CSRNP3: variants seen among roughly 807,000 people sequenced by gnomAD.
The protein encoded by CSRNP3 is cysteine/serine-rich nuclear protein 3.
Under a neutral mutation model 48.0 loss-of-function variants are expected in CSRNP3, and 12 were observed. The observed-to-expected ratio is 0.25, with a 90% CI of 0.16 to 0.41. CSRNP3 has a LOEUF of 0.41. Among genes scored for constraint, CSRNP3 ranks in the 10% least tolerant of loss-of-function variants. The pLI, the probability that CSRNP3 is intolerant of heterozygous loss-of-function variation, is 1.00. For synonymous variants in CSRNP3, 263 were observed against 269.7 expected, an observed-to-expected ratio of 0.98 and a Z score of 0.24; for missense variants, 580 against 724.4, an observed-to-expected ratio of 0.80 and a Z score of 2.29.
chr2:165,525,690 C>T (rs542142274), intron 3 of CSRNP3, among the ~76,000 whole-genome samples: 1 of 151,574 alleles, frequency 6.6e-6, no homozygotes, highest in South Asian at 2.1e-4. Flanking sequence ...TTCATCATCT[C>T]GGCAAGGCTG....
At chr2:165,623,148 A>G (rs1255934361) in intron 4 of CSRNP3, among the ~76,000 whole-genome samples, 1 of 152,196 alleles carries the variant, frequency 6.6e-6, no homozygotes, top group Non-Finnish European at 1.5e-5. Flanking sequence ...TGGTATTTAT[A>G]TTGTATTAGG....
chr2:165,535,316 CTT>C (rs796304994), intron 3 of CSRNP3, among the ~76,000 whole-genome samples: 1 of 140,916 alleles, frequency 7.1e-6, no homozygotes, highest in Admixed American at 7.1e-5. Flanking sequence ...TTAGCTTGTT[CTT>C]TTTTTTTTTT....
Position 165,680,655 on chromosome 2 carries a change from T to G in CSRNP3, c.*902T>G, listed in dbSNP as rs1286779986. 4 of 152,224 alleles carry G rather than the reference T, an allele frequency of 2.6e-5. No individual in the cohort carries two copies. In the Admixed American group the frequency reaches 2.6e-4, roughly 10 times the overall value. The allele number at this position is 152,224 out of a possible 1,614,324, so 9.4% of individuals were successfully genotyped here. A position where few individuals can be genotyped will look rare whatever the true frequency, so the allele number is the denominator to read the frequency against. The stretch of plus-strand genomic sequence containing the variant: ...TAGTGCCCCTTCACGGTACCTCGTG[T>G]GGGGTGGGGACTGAGAACTCTTTGA... On this transcript the variant is annotated 3_prime_UTR_variant, in exon 7 of 7. Transcript: ENST00000651982.
intron 3 of CSRNP3, among the ~76,000 whole-genome samples, chr2:165,554,417 A>G (rs1429909506): frequency 2.6e-5 from 4 of 152,162 alleles, no homozygotes; most frequent in African/African-American, 7.2e-5. Flanking sequence ...AGAACTACCT[A>G]TTTGACATCT....
At chr2:165,622,667 C>T (rs1249234012) in intron 4 of CSRNP3, among the ~76,000 whole-genome samples, 1 of 152,068 alleles carries the variant, frequency 6.6e-6, no homozygotes. Flanking sequence ...CCCATTTCTC[C>T]AGTGGGAAGG....
At chr2:165,588,414 C>T (rs1185195766) in intron 3 of CSRNP3, among the ~76,000 whole-genome samples, 2 of 152,196 alleles carry the variant, frequency 1.3e-5, no homozygotes, top group Non-Finnish European at 2.9e-5. Context: ...ATTTATCATT[C>T]TGCCTGCAAC....
At chr2:165,660,887 A>G (rs1001016777) in intron 5 of CSRNP3, among the ~76,000 whole-genome samples, 15 of 152,272 alleles carry the variant, frequency 9.9e-5, no homozygotes, top group Admixed American at 2.0e-4. Flanking sequence ...ATAAATACCA[A>G]CCTAAAAGAT....
intron 2 of CSRNP3, among the ~76,000 whole-genome samples, chr2:165,497,990 G>T (rs1684305411): frequency 6.6e-6 from 1 of 152,104 alleles, no homozygotes; most frequent in South Asian, 2.1e-4. Flanking sequence ...CTTTAGGGCA[G>T]TGCTAGTGAT....
intron 2 of CSRNP3, among the ~76,000 whole-genome samples, chr2:165,498,242 T>C (rs150705233): frequency 6.6e-6 from 1 of 152,240 alleles, no homozygotes; most frequent in African/African-American, 2.4e-5. Context: ...GTGAAAATGT[T>C]ACAATGAAAA....
At chr2:165,622,416 A>C (rs542845527) in intron 4 of CSRNP3, among the ~76,000 whole-genome samples, 27 of 152,214 alleles carry the variant, frequency 1.8e-4, no homozygotes, top group Admixed American at 4.6e-4. Flanking sequence ...TAACTGCTGC[A>C]ACAAAATAAT....
At chr2:165,633,855 T>A (rs1262102045) in intron 4 of CSRNP3, among the ~76,000 whole-genome samples, 1 of 152,180 alleles carries the variant, frequency 6.6e-6, no homozygotes, top group East Asian at 1.9e-4. Context: ...CCTTACAACC[T>A]CTGGGTACTT....
chr2:165,597,155 T>C (rs186684245), intron 4 of CSRNP3, among the ~76,000 whole-genome samples: 6 of 152,314 alleles, frequency 3.9e-5, no homozygotes, highest in African/African-American at 1.2e-4. Context: ...AAAGGAAGAC[T>C]TAATTAGTGA....
rs1418728428 is a variant in CSRNP3 at position 165,686,212 on chromosome 2, T to C, written c.*6459T>C. The C allele has an allele frequency of 6.6e-6, 1 of 152,078 alleles. No homozygotes were observed. The highest frequency in any genetic ancestry group is 1.5e-5 in the Non-Finnish European group (1 of 67,976). 9.4% of individuals were successfully genotyped at this position (152,078 alleles called of 1,614,324 possible). ...TCTTTTAAATTTATCTAGGTACTTG[T>C]ATCACCAGAGACCTTCATCAAGTCC... On this transcript the variant is annotated 3_prime_UTR_variant, in exon 7 of 7. Coordinates refer to ENST00000651982, the MANE Select transcript of CSRNP3 (RefSeq NM_001172173.2).
At chr2:165,535,488 C>A (rs1684870372) in intron 3 of CSRNP3, among the ~76,000 whole-genome samples, 1 of 151,752 alleles carries the variant, frequency 6.6e-6, no homozygotes, top group South Asian at 2.1e-4. Context: ...ATGCCCTTTC[C>A]TTGTAGACCA....
At chr2:165,658,301 A>G (rs1687040916) in intron 5 of CSRNP3, among the ~76,000 whole-genome samples, 1 of 152,214 alleles carries the variant, frequency 6.6e-6, no homozygotes, top group Non-Finnish European at 1.5e-5. Flanking sequence ...GACCAAAAAT[A>G]GATGTGGTCC....
chr2:165,630,950 C>T (rs202150668), intron 4 of CSRNP3, among the ~76,000 whole-genome samples: 3 of 152,122 alleles, frequency 2.0e-5, no homozygotes, highest in East Asian at 1.9e-4. Flanking sequence ...TATTTGTTAA[C>T]GTTTCTTATT....
At chr2:165,597,809 TAAC>T (rs1468401063) in intron 4 of CSRNP3, among the ~76,000 whole-genome samples, 1 of 152,086 alleles carries the variant, frequency 6.6e-6, no homozygotes, top group Non-Finnish European at 1.5e-5. Context: ...TTAAAGCATT[TAAC>T]AACAATAGTA....
chr2:165,580,672 C>T (rs1027527986), intron 3 of CSRNP3, among the ~76,000 whole-genome samples: 11 of 152,044 alleles, frequency 7.2e-5, no homozygotes, highest in African/African-American at 2.4e-4. Flanking sequence ...TCAGATGATT[C>T]CTCTAAAGGA....
At chr2:165,557,785 C>T (rs549509712) in intron 3 of CSRNP3, among the ~76,000 whole-genome samples, 1 of 152,182 alleles carries the variant, frequency 6.6e-6, no homozygotes, top group Non-Finnish European at 1.5e-5. Context: ...AGGTGAAACT[C>T]TATTATAAGC....
Sources: gnomAD v4.1 joint callset for allele counts (sites outside exome capture counted in the v4.1 genomes callset) on GRCh38, gnomAD v4.1.1 for gene constraint, MANE v1.5 for transcripts, NCBI Gene and HGNC (gene_info 2026-07-23, HGNC 2026-07-21) for gene names.